Variants in DNAH14 observed in about 807,000 individuals in gnomAD.
The protein encoded by DNAH14 is axonemal beta dynein heavy chain 14.
Under a neutral mutation model 520.9 loss-of-function variants are expected in DNAH14, and 478 were observed. That is an observed-to-expected ratio of 0.92 (90% CI 0.85 to 0.99). The LOEUF (loss-of-function observed/expected upper bound fraction) is 0.99. Among genes scored for constraint, DNAH14 ranks in the 50% least tolerant of loss-of-function variants. The pLI is 0.00. For synonymous variants in DNAH14, 1,581 were observed against 1,757.2 expected, an observed-to-expected ratio of 0.90 and a Z score of 2.51; for missense variants, 4,831 against 5,234.5, an observed-to-expected ratio of 0.92 and a Z score of 2.38.
intron 27 of DNAH14, among the ~76,000 whole-genome samples, chr1:225,128,294 G>T (rs1235776459): frequency 6.6e-6 from 1 of 152,042 alleles, no homozygotes; most frequent in Non-Finnish European, 1.5e-5. Context: ...CAAAAAGAAG[G>T]AATCCTCCCT....
chr1:225,323,506 C>T (rs371457825), intron 62 of DNAH14, among the ~76,000 whole-genome samples: 27 of 152,190 alleles, frequency 1.8e-4, no homozygotes, highest in East Asian at 5.8e-4. Context: ...GACGGAGTCT[C>T]ACTCTGTCAC....
chr1:225,265,885 T>C (rs1205187263), intron 48 of DNAH14, among the ~76,000 whole-genome samples: 1 of 151,876 alleles, frequency 6.6e-6, no homozygotes, highest in African/African-American at 2.4e-5. Flanking sequence ...TTTCAGATAG[T>C]TTGTGATACA....
intron 5 of DNAH14, among the ~76,000 whole-genome samples, chr1:224,966,005 TTA>T (rs2061146168): frequency 6.6e-6 from 1 of 152,166 alleles, no homozygotes; most frequent in African/African-American, 2.4e-5. Flanking sequence ...TGATTTTTAA[TTA>T]TATATATGAT....
At chr1:225,242,571 T>C (rs1187288442) in intron 43 of DNAH14, among the ~76,000 whole-genome samples, 1 of 152,102 alleles carries the variant, frequency 6.6e-6, no homozygotes, top group Non-Finnish European at 1.5e-5. Context: ...AGAGCTGTCA[T>C]CTCCTAGGAC....
At chr1:225,040,301 TA>T (rs1239746605) in intron 12 of DNAH14, among the ~76,000 whole-genome samples, 1 of 152,154 alleles carries the variant, frequency 6.6e-6, no homozygotes, top group African/African-American at 2.4e-5. Context: ...TCACATGTAT[TA>T]GTGAAAACAA....
chr1:225,059,292 G>C (rs1189102442), intron 17 of DNAH14, among the ~76,000 whole-genome samples: 2 of 152,076 alleles, frequency 1.3e-5, no homozygotes, highest in Non-Finnish European at 2.9e-5. Flanking sequence ...GGCCTCCTTT[G>C]TCTCTTTTGA....
intron 10 of DNAH14, among the ~76,000 whole-genome samples, chr1:225,009,569 G>T (rs1478421605): frequency 6.6e-6 from 1 of 152,134 alleles, no homozygotes; most frequent in Non-Finnish European, 1.5e-5. Flanking sequence ...TTTTGCTTAG[G>T]ATTGTCTTGG....
chr1:225,335,211 G>C (rs544558988), intron 66 of DNAH14, among the ~76,000 whole-genome samples: 1 of 141,078 alleles, frequency 7.1e-6, no homozygotes, highest in African/African-American at 2.5e-5. Flanking sequence ...ACACGTACAT[G>C]TGTGTATATA....
At chr1:225,353,711 A>T in intron 72 of DNAH14, 92 bp from the exon 73 acceptor site, 1 of 754,384 alleles carries the variant, frequency 1.3e-6, no homozygotes, top group Non-Finnish European at 2.2e-6. Context: ...AAAAAGTCAC[A>T]ATTTTATGAC....
intron 21 of DNAH14, among the ~76,000 whole-genome samples, chr1:225,096,193 G>A (rs966173159): frequency 6.6e-6 from 1 of 151,996 alleles, no homozygotes; most frequent in African/African-American, 2.4e-5. Context: ...TGTTGGCCAG[G>A]CTGGTCTCAA....
intron 21 of DNAH14, among the ~76,000 whole-genome samples, chr1:225,094,676 A>AAAC (rs1381278621): frequency 1.5e-4 from 14 of 93,896 alleles, no homozygotes; most frequent in South Asian, 3.1e-4. Flanking sequence ...AAAAAAAAAA[A>AAAC]AACAACAAAA....
chr1:225,290,285 G>C (rs991257517), intron 55 of DNAH14, among the ~76,000 whole-genome samples: 9 of 151,944 alleles, frequency 5.9e-5, no homozygotes, highest in African/African-American at 1.7e-4. Flanking sequence ...GACGCCATAG[G>C]TAGTTATGAA....
chr1:225,339,954 A>G (rs1466107877), intron 68 of DNAH14, among the ~76,000 whole-genome samples: 1 of 152,138 alleles, frequency 6.6e-6, no homozygotes, highest in Non-Finnish European at 1.5e-5. Flanking sequence ...TGGCTGCTAC[A>G]TGTTGGGTAC....
intron 16 of DNAH14, 40 bp downstream of exon 16, chr1:225,050,416 A>G: frequency 6.7e-7 from 1 of 1,492,274 alleles, no homozygotes; most frequent in Non-Finnish European, 8.9e-7. Context: ...ATGTTTAAGG[A>G]GCAGAAACCC....
At chr1:225,219,469 A>G (rs2089808000) in intron 41 of DNAH14, among the ~76,000 whole-genome samples, 1 of 152,126 alleles carries the variant, frequency 6.6e-6, no homozygotes, top group Non-Finnish European at 1.5e-5. Flanking sequence ...AAAATGATAA[A>G]GGAGAGATCA....
At chr1:225,263,836 A>G (rs914855075) in intron 46 of DNAH14, among the ~76,000 whole-genome samples, 22 of 152,244 alleles carry the variant, frequency 1.4e-4, no homozygotes, top group African/African-American at 5.3e-4. Context: ...AGAAAAACAA[A>G]CACCTAGAAA....
chr1:225,056,791 C>CT (rs1195349777), intron 17 of DNAH14, among the ~76,000 whole-genome samples: 1 of 152,160 alleles, frequency 6.6e-6, no homozygotes, highest in Non-Finnish European at 1.5e-5. Flanking sequence ...ATAGGGAATA[C>CT]TTTCCCCATT....
intron 1 of DNAH14, among the ~76,000 whole-genome samples, chr1:224,946,818 T>G (rs1033121255): frequency 2.0e-5 from 3 of 151,826 alleles, no homozygotes; most frequent in African/African-American, 7.3e-5. Flanking sequence ...GAATCTAATT[T>G]CATTTTTTTC....
At chr1:225,153,666 T>C (rs1034908459) in intron 33 of DNAH14, 84 bp from the exon 34 acceptor site, 2 of 935,156 alleles carry the variant, frequency 2.1e-6, no homozygotes, top group Non-Finnish European at 3.2e-6. Flanking sequence ...AGATTACCTG[T>C]AATTTACCTA....
Sources: gnomAD v4.1 joint callset for allele counts (sites outside exome capture counted in the v4.1 genomes callset) on GRCh38, gnomAD v4.1.1 for gene constraint, MANE v1.5 for transcripts, NCBI Gene and HGNC (gene_info 2026-07-23, HGNC 2026-07-21) for gene names.